The following NLGN4Y variants were observed in gnomAD, a reference collection of about 807,000 sequenced individuals.
The protein encoded by NLGN4Y is neuroligin 4 Y-linked.
A neutral mutation model predicts 8.4 loss-of-function variants in NLGN4Y; 4 were observed. The ratio of observed to expected loss-of-function variants is 0.48; its 90% CI spans 0.23 to 1.09. NLGN4Y has a LOEUF of 1.09. Ranked by LOEUF, NLGN4Y falls within the 50% of genes least tolerant of loss-of-function variation. The pLI is 0.19. For missense variants in NLGN4Y, 90 were observed against 192.3 expected (o/e 0.47, Z 3.15); for synonymous variants, 35 against 75.6 (o/e 0.46, Z 2.78).
At chrY:14,656,423 C>T (rs2080651363) in intron 2 of NLGN4Y, among the ~76,000 whole-genome samples, 2 of 31,064 alleles carry the variant, frequency 6.4e-5, no homozygotes, top group Non-Finnish European at 1.5e-4. Flanking sequence ...CCTGTCTCTA[C>T]TAAAAATACA....
chrY:14,553,432 A>G (rs2080201186), intron 1 of NLGN4Y, among the ~76,000 whole-genome samples: 1 of 31,505 alleles, frequency 3.2e-5, no homozygotes, highest in East Asian at 8.2e-4. Flanking sequence ...CTTAAATTTC[A>G]TATGGAACCA....
intron 2 of NLGN4Y, among the ~76,000 whole-genome samples, chrY:14,675,418 C>T: frequency 3.1e-5 from 1 of 32,239 alleles, no homozygotes; most frequent in Non-Finnish European, 7.5e-5. Flanking sequence ...CTAAGATGAT[C>T]GATTTTCTCC....
intron 1 of NLGN4Y, among the ~76,000 whole-genome samples, chrY:14,598,152 T>C: frequency 2.9e-5 from 1 of 35,000 alleles, no homozygotes; most frequent in South Asian, 6.1e-4. Flanking sequence ...GATCCCGCAC[T>C]GGGGCTACAC....
intron 2 of NLGN4Y, among the ~76,000 whole-genome samples, chrY:14,649,919 A>G (rs2080623440): frequency 3.0e-5 from 1 of 33,654 alleles, no homozygotes; most frequent in Non-Finnish European, 7.3e-5. Flanking sequence ...CTGAAATGTG[A>G]GCCAGGAATG....
intron 4 of NLGN4Y, among the ~76,000 whole-genome samples, chrY:14,799,513 A>C (rs751968784): frequency 5.9e-5 from 2 of 33,697 alleles, no homozygotes; most frequent in Admixed American, 5.4e-4. Flanking sequence ...ATCTCAAAAG[A>C]AGCATAAATC....
intron 2 of NLGN4Y, chrY:14,640,222 A>G: frequency 2.5e-5 from 3 of 119,314 alleles, no homozygotes; most frequent in East Asian, 2.5e-4. Context: ...CTTGTTGCCA[A>G]TGGAGCTGGG....
At chrY:14,758,458 G>C in intron 4 of NLGN4Y, among the ~76,000 whole-genome samples, 1 of 33,622 alleles carries the variant, frequency 3.0e-5, no homozygotes, top group Non-Finnish European at 7.3e-5. Flanking sequence ...GAGTATATTA[G>C]ATTGTATACC....
At chrY:14,610,929 T>C in intron 1 of NLGN4Y, among the ~76,000 whole-genome samples, 1 of 33,136 alleles carries the variant, frequency 3.0e-5, no homozygotes, top group Non-Finnish European at 7.4e-5. Flanking sequence ...ATATTTATGA[T>C]AGTTAGCTCT....
chrY:14,697,291 G>T, intron 2 of NLGN4Y, among the ~76,000 whole-genome samples: 1 of 30,996 alleles, frequency 3.2e-5, no homozygotes. Context: ...GAAATGGATG[G>T]ATAGTAAGAT....
intron 1 of NLGN4Y, among the ~76,000 whole-genome samples, chrY:14,564,480 T>C (rs1027020294): frequency 3.0e-5 from 1 of 33,452 alleles, no homozygotes; most frequent in African/African-American, 1.2e-4. Flanking sequence ...GGTGGTTTTA[T>C]GGCCACAGTA....
At chrY:14,806,837 GA>G (rs769844931) in intron 4 of NLGN4Y, among the ~76,000 whole-genome samples, 27 of 27,866 alleles carry the variant, frequency 9.7e-4, no homozygotes, top group South Asian at 9.6e-3. Context: ...CCTGCTTAGA[GA>G]AAAAAAAAAA....
intron 1 of NLGN4Y, among the ~76,000 whole-genome samples, chrY:14,569,587 A>C: frequency 3.0e-5 from 1 of 33,551 alleles, no homozygotes; most frequent in Non-Finnish European, 7.4e-5. Flanking sequence ...ATACAACTGC[A>C]TGTGTCTTTT....
At chrY:14,699,649 T>C (rs1286388954) in intron 2 of NLGN4Y, among the ~76,000 whole-genome samples, 1 of 33,454 alleles carries the variant, frequency 3.0e-5, no homozygotes, top group South Asian at 6.6e-4. Flanking sequence ...GTAGTAATAG[T>C]AATAACAATA....
At chrY:14,659,036 T>C (rs370104967) in intron 2 of NLGN4Y, among the ~76,000 whole-genome samples, 5 of 33,645 alleles carry the variant, frequency 1.5e-4, no homozygotes, top group South Asian at 6.7e-4. Flanking sequence ...AGTGGACTTA[T>C]CACAATGTAT....
intron 1 of NLGN4Y, among the ~76,000 whole-genome samples, chrY:14,608,681 T>C: frequency 3.0e-5 from 1 of 32,807 alleles, no homozygotes; most frequent in Non-Finnish European, 7.5e-5. Flanking sequence ...TTCTTGGCCA[T>C]ATAAGCTCTT....
At chrY:14,632,258 T>G (rs749396438) in intron 2 of NLGN4Y, among the ~76,000 whole-genome samples, 1 of 33,278 alleles carries the variant, frequency 3.0e-5, no homozygotes, top group South Asian at 6.8e-4. Flanking sequence ...TTTCTGGTGG[T>G]TTCTAGTATG....
At chrY:14,838,371 C>T in intron 6 of NLGN4Y, among the ~76,000 whole-genome samples, 1 of 32,978 alleles carries the variant, frequency 3.0e-5, no homozygotes, top group Non-Finnish European at 7.5e-5. Flanking sequence ...TAGAGGTCAA[C>T]ATTCTTTTTC....
intron 4 of NLGN4Y, among the ~76,000 whole-genome samples, chrY:14,752,505 A>G: frequency 3.0e-5 from 1 of 33,499 alleles, no homozygotes; most frequent in Non-Finnish European, 7.4e-5. Flanking sequence ...GAACAGACAT[A>G]TTCATGGAAT....
chrY:14,782,522 G>C (rs773771973), intron 4 of NLGN4Y, among the ~76,000 whole-genome samples: 2 of 33,209 alleles, frequency 6.0e-5, no homozygotes, highest in South Asian at 1.3e-3. Context: ...AGTAGCTTTT[G>C]CTTCATTTCC....
Sources: gnomAD v4.1 joint callset for allele counts (sites outside exome capture counted in the v4.1 genomes callset) on GRCh38, gnomAD v4.1.1 for gene constraint, MANE v1.5 for transcripts, NCBI Gene and HGNC (gene_info 2026-07-23, HGNC 2026-07-21) for gene names.